SAMD5: variants seen among roughly 807,000 people sequenced by gnomAD.
SAMD5 encodes the protein sterile alpha motif domain containing 5.
A neutral mutation model predicts 11.3 loss-of-function variants in SAMD5; 13 were observed. The ratio of observed to expected loss-of-function variants is 1.15; its 90% CI spans 0.75 to 1.83. The LOEUF is 1.83. Among genes scored for constraint, SAMD5 ranks in the 40% most tolerant of loss-of-function variants. SAMD5 has a pLI of 0.00. For missense variants in SAMD5, 255 were observed against 239.1 expected, an observed-to-expected ratio of 1.07 and a Z score of -0.44; for synonymous variants, 129 against 111.3, an observed-to-expected ratio of 1.16 and a Z score of -1.00.
intron 1 of SAMD5, among the ~76,000 whole-genome samples, chr6:147,630,600 TTACCC>T (rs1387692473): frequency 2.0e-5 from 3 of 151,744 alleles, no homozygotes; most frequent in African/African-American, 7.3e-5. Context: ...TAATTTTCCA[TTACCC>T]ACCCAAATCC....
chr6:147,924,613 A>T, the SAMD5 span, among the ~76,000 whole-genome samples: 1 of 151,968 alleles, frequency 6.6e-6, no homozygotes, highest in African/African-American at 2.4e-5. Context: ...GGAAGTAGGA[A>T]AGTTCAATAT....
intron 1 of SAMD5, among the ~76,000 whole-genome samples, chr6:147,559,733 C>G (rs1359695365): frequency 6.6e-6 from 1 of 152,208 alleles, no homozygotes; most frequent in Non-Finnish European, 1.5e-5. Flanking sequence ...TAATGTGGAT[C>G]ATTCTAGAGT....
In SAMD5 at chr6:147,596,604, G is replaced by A. The variant is rs577949595; in HGVS notation, c.162+87217G>A. On this transcript the variant is annotated intron_variant, in intron 1 of 1. Coordinates refer to the SAMD5 transcript ENST00000566741. ...TGAATAATGAGTTATTAGCACTCCAGTAGTTCTCTTTCCCCAATTATTAAT... is the reference window on the plus strand; with the variant it reads ...TGAATAATGAGTTATTAGCACTCCAATAGTTCTCTTTCCCCAATTATTAAT... Among the ~76,000 whole-genome samples the A allele has an allele frequency of 2.6e-5, 4 of 152,272 alleles. No individual in the cohort carries two copies. The South Asian group carries it at 8.3e-4, about 32-fold the overall frequency.
At chr6:147,837,883 A>C in the SAMD5 span, among the ~76,000 whole-genome samples, 2 of 152,164 alleles carry the variant, frequency 1.3e-5, no homozygotes, top group Admixed American at 1.3e-4. Context: ...GTCTCTAAAC[A>C]TGAGAGGCCA....
chr6:147,954,195 C>T, the SAMD5 span, among the ~76,000 whole-genome samples: 5 of 152,110 alleles, frequency 3.3e-5, no homozygotes, highest in African/African-American at 4.8e-5. Flanking sequence ...TTATCACCTT[C>T]GTGTTTTAAG....
chr6:147,756,523 GT>G, the SAMD5 span, among the ~76,000 whole-genome samples: 1 of 152,134 alleles, frequency 6.6e-6, no homozygotes, highest in Admixed American at 6.5e-5. Context: ...GTTTTCTTTT[GT>G]TACCTAAAAT....
intron 1 of SAMD5, among the ~76,000 whole-genome samples, chr6:147,658,814 G>C (rs1213793261): frequency 6.6e-6 from 1 of 152,154 alleles, no homozygotes; most frequent in Non-Finnish European, 1.5e-5. Context: ...ACTAATGATG[G>C]AAGTACTAGC....
chr6:147,670,611 G>A (rs147013816), intron 1 of SAMD5, among the ~76,000 whole-genome samples: 1 of 152,204 alleles, frequency 6.6e-6, no homozygotes, highest in East Asian at 1.9e-4. Flanking sequence ...TTATGTGTTG[G>A]TGATGGCTTC....
In SAMD5 at chr6:147,615,327, G is replaced by T. The variant is rs1583107434; in HGVS notation, c.162+105940G>T. 2.0e-5 allele frequency among the ~76,000 whole-genome samples: 3 copies of T among 152,190 alleles called. No individual in the cohort carries two copies. In the South Asian group the frequency reaches 6.2e-4, roughly 32 times the overall value. On this transcript the variant is annotated intron_variant, in intron 1 of 1. Transcript: ENST00000566741. Reference sequence around the variant, plus strand: ...TAATTTATATTTCTGGTTTTTAAAAGCTCATTGAAATTTTAAATTAGGCTA... The same window carrying T: ...TAATTTATATTTCTGGTTTTTAAAATCTCATTGAAATTTTAAATTAGGCTA...
chr6:147,786,123 A>G, the SAMD5 span, among the ~76,000 whole-genome samples: 11 of 152,216 alleles, frequency 7.2e-5, no homozygotes, highest in Non-Finnish European at 1.5e-4. Context: ...TGAGTTCCGC[A>G]AAATGTCTCC....
chr6:147,526,473 A>G (rs1357539300), intron 1 of SAMD5, among the ~76,000 whole-genome samples: 2 of 152,256 alleles, frequency 1.3e-5, no homozygotes, highest in Non-Finnish European at 2.9e-5. Flanking sequence ...TTTCAGCATC[A>G]TATGAATGCC....
At chr6:147,595,707 A>T (rs1330689765) in intron 1 of SAMD5, among the ~76,000 whole-genome samples, 2 of 151,732 alleles carry the variant, frequency 1.3e-5, no homozygotes, top group African/African-American at 4.8e-5. Context: ...TTGTATTTTT[A>T]GTAGAGACAG....
At chr6:147,538,259 A>G (rs1386842207) in intron 1 of SAMD5, among the ~76,000 whole-genome samples, 2 of 152,204 alleles carry the variant, frequency 1.3e-5, no homozygotes, top group Non-Finnish European at 2.9e-5. Context: ...GAATTTTTTA[A>G]TAAGATAAAC....
At chr6:147,749,957 T>C in the SAMD5 span, among the ~76,000 whole-genome samples, 23 of 152,202 alleles carry the variant, frequency 1.5e-4, no homozygotes, top group Non-Finnish European at 2.2e-4. Flanking sequence ...ATTCAGACTT[T>C]TGATAAATTA....
At chr6:147,536,143 C>T (rs2128441581) in intron 1 of SAMD5, among the ~76,000 whole-genome samples, 1 of 152,194 alleles carries the variant, frequency 6.6e-6, no homozygotes, top group South Asian at 2.1e-4. Flanking sequence ...GCCACCATGC[C>T]CAGCTGATTT....
At chr6:147,717,702 A>G (rs1791487972) in intron 1 of SAMD5, among the ~76,000 whole-genome samples, 1 of 152,254 alleles carries the variant, frequency 6.6e-6, no homozygotes, top group South Asian at 2.1e-4. Flanking sequence ...TACAAAAACT[A>G]CAGGTGGTGG....
chr6:147,902,278 A>G, the SAMD5 span, among the ~76,000 whole-genome samples: 1 of 152,170 alleles, frequency 6.6e-6, no homozygotes, highest in East Asian at 1.9e-4. Context: ...AAGCCGCATT[A>G]TAAAATCCAG....
intron 1 of SAMD5, among the ~76,000 whole-genome samples, chr6:147,669,251 T>C (rs1790762550): frequency 1.3e-5 from 2 of 152,150 alleles, no homozygotes; most frequent in South Asian, 4.1e-4. Context: ...GGTTATGGAA[T>C]ATTCTAAATC....
chr6:147,698,166 C>T (rs1274903966), intron 1 of SAMD5, among the ~76,000 whole-genome samples: 2 of 152,124 alleles, frequency 1.3e-5, no homozygotes, highest in Non-Finnish European at 2.9e-5. Flanking sequence ...CGGCTGCTCA[C>T]CTTCTGCTGT....
Sources: gnomAD v4.1 joint callset for allele counts (sites outside exome capture counted in the v4.1 genomes callset) on GRCh38, gnomAD v4.1.1 for gene constraint, MANE v1.5 for transcripts, NCBI Gene and HGNC (gene_info 2026-07-23, HGNC 2026-07-21) for gene names.